KIAA0319: variants seen among roughly 807,000 people sequenced by gnomAD.
KIAA0319 encodes the protein dyslexia-associated protein KIAA0319.
In KIAA0319, 83 loss-of-function variants were observed where a neutral mutation model predicts 108.4. The observed-to-expected ratio is 0.77, with a 90% CI of 0.64 to 0.92. KIAA0319 has a LOEUF of 0.92. Ranked by LOEUF, KIAA0319 falls within the 40% of genes least tolerant of loss-of-function variation. The pLI is 0.00. For missense variants in KIAA0319, 1,195 were observed against 1,322.4 expected (o/e 0.90, Z 1.49); for synonymous variants, 484 against 510.4 (o/e 0.95, Z 0.70).
At chr6:24,564,885 T>C (rs1217477746) in intron 14 of KIAA0319, among the ~76,000 whole-genome samples, 6 of 152,210 alleles carry the variant, frequency 3.9e-5, no homozygotes, top group Admixed American at 6.5e-5. Flanking sequence ...CAGAGACTCA[T>C]TGTTATTACA....
intron 1 of KIAA0319, among the ~76,000 whole-genome samples, chr6:24,624,767 A>G (rs1774472816): frequency 6.6e-6 from 1 of 152,180 alleles, no homozygotes; most frequent in South Asian, 2.1e-4. Context: ...AATGAAATGC[A>G]TTCAAGTGAG....
chr6:24,641,320 T>C (rs1319689534), intron 1 of KIAA0319, among the ~76,000 whole-genome samples: 1 of 152,230 alleles, frequency 6.6e-6, no homozygotes, highest in African/African-American at 2.4e-5. Flanking sequence ...GGACATAACA[T>C]TTAAAATTTA....
Position 24,545,559 on chromosome 6 carries a change from C to CTATA in KIAA0319, c.*1602_*1605dup, listed in dbSNP as rs1760525677. ...AAAAAATCACATTTTCCTTCTAACACTATAGACAGTATTGAATTGGCTAGT... is the reference window on the plus strand; with the variant it reads ...AAAAAATCACATTTTCCTTCTAACACTATATATAGACAGTATTGAATTGGCTAGT... On this transcript the variant is annotated 3_prime_UTR_variant, in exon 21 of 21. Transcript: ENST00000378214. 2 of 152,106 alleles carry CTATA rather than the reference C, an allele frequency of 1.3e-5. No homozygotes were observed. Among genetic ancestry groups the CTATA allele is most frequent in the Admixed American group, 6.5e-5 (1 of 15,276 alleles). The allele number at this position is 152,106 out of a possible 1,614,324, so 9.4% of individuals were successfully genotyped here. A position where few individuals can be genotyped will look rare whatever the true frequency, so the allele number is the denominator to read the frequency against.
intron 10 of KIAA0319, among the ~76,000 whole-genome samples, chr6:24,574,564 G>A (rs566925709): frequency 2.2e-4 from 34 of 152,080 alleles, no homozygotes; most frequent in African/African-American, 7.2e-4. Context: ...CTTTTTTGTC[G>A]TTGGTAATAA....
intron 1 of KIAA0319, among the ~76,000 whole-genome samples, chr6:24,602,907 G>A (rs1023961881): frequency 6.6e-6 from 1 of 152,228 alleles, no homozygotes; most frequent in Non-Finnish European, 1.5e-5. Flanking sequence ...TAACTGCATT[G>A]ACAAGTTATT....
Position 24,545,848 on chromosome 6 carries a change from T to TA in KIAA0319, c.*1316dup, listed in dbSNP as rs1163504403. ...ATGCATTCCTAGTTTTCCCATGTGTTAAAAAAGCATTGTGCAACAGGATAT... is the reference window on the plus strand; with the variant it reads ...ATGCATTCCTAGTTTTCCCATGTGTTAAAAAAAGCATTGTGCAACAGGATAT... On this transcript the variant is annotated 3_prime_UTR_variant, in exon 21 of 21. Coordinates refer to ENST00000378214, the MANE Select transcript of KIAA0319 (RefSeq NM_014809.4). 1 of 152,178 alleles carries TA rather than the reference T, an allele frequency of 6.6e-6. No homozygotes were observed. The allele number at this position is 152,178 out of a possible 1,614,324, so 9.4% of individuals were successfully genotyped here. A position where few individuals can be genotyped will look rare whatever the true frequency, so the allele number is the denominator to read the frequency against.
intron 1 of KIAA0319, among the ~76,000 whole-genome samples, chr6:24,621,226 G>T (rs1773885389): frequency 6.6e-6 from 1 of 152,194 alleles, no homozygotes; most frequent in Non-Finnish European, 1.5e-5. Context: ...GGTATTTCAG[G>T]TACCTTTGAC....
At chr6:24,543,417 T>C (rs1354092291), downstream of KIAA0319, among the ~76,000 whole-genome samples, 1 of 152,218 alleles carries the variant, frequency 6.6e-6, no homozygotes, top group African/African-American at 2.4e-5. Context: ...TGTAAGTGAA[T>C]TATACCTCAA....
intron 14 of KIAA0319, among the ~76,000 whole-genome samples, chr6:24,564,725 A>G (rs1763654957): frequency 6.6e-6 from 1 of 152,220 alleles, no homozygotes; most frequent in African/African-American, 2.4e-5. Flanking sequence ...CTCATCTTGA[A>G]TTCCCTCATA....
At chr6:24,568,449 CAT>C (rs1561951976) in intron 13 of KIAA0319, among the ~76,000 whole-genome samples, 1 of 152,184 alleles carries the variant, frequency 6.6e-6, no homozygotes, top group Non-Finnish European at 1.5e-5. Flanking sequence ...AATTTGAAAA[CAT>C]CTCTTTTCTT....
intron 1 of KIAA0319, among the ~76,000 whole-genome samples, chr6:24,603,517 C>T (rs1044760585): frequency 2.0e-5 from 3 of 152,216 alleles, no homozygotes; most frequent in Non-Finnish European, 4.4e-5. Context: ...ACACCAGTCT[C>T]TTCCACCCAC....
chr6:24,562,086 T>C (rs1284163261), intron 16 of KIAA0319, among the ~76,000 whole-genome samples: 26 of 152,238 alleles, frequency 1.7e-4, no homozygotes, highest in Admixed American at 1.7e-3. Context: ...TCTGCCTGCC[T>C]TGGCCTCCCA....
intron 3 of KIAA0319, among the ~76,000 whole-genome samples, chr6:24,594,097 T>C (rs1442188664): frequency 2.7e-5 from 4 of 145,824 alleles, no homozygotes; most frequent in African/African-American, 1.0e-4. Context: ...TACTCAGGAG[T>C]CTGAGGCAGG....
chr6:24,615,462 AAAAC>A (rs1275223554), intron 1 of KIAA0319, among the ~76,000 whole-genome samples: 11 of 152,312 alleles, frequency 7.2e-5, no homozygotes, highest in African/African-American at 2.4e-4. Context: ...AGAAGAATAT[AAAAC>A]AAACTAAGAG....
intron 1 of KIAA0319, among the ~76,000 whole-genome samples, chr6:24,629,514 C>CAAAA (rs397974257): frequency 1.7e-4 from 7 of 42,388 alleles, no homozygotes; most frequent in East Asian, 1.2e-3. Context: ...GACTCTGTCT[C>CAAAA]AAAAAAAAAA....
chr6:24,600,919 C>A (rs1582163159), intron 2 of KIAA0319, 130 bp downstream of exon 2: 2 of 1,247,214 alleles, frequency 1.6e-6, no homozygotes, highest in South Asian at 1.3e-5. Flanking sequence ...GCCTTTCATG[C>A]TTTCACCTGT....
At chr6:24,606,822 GTCC>G (rs891084727) in intron 1 of KIAA0319, among the ~76,000 whole-genome samples, 5 of 152,116 alleles carry the variant, frequency 3.3e-5, no homozygotes, top group African/African-American at 4.8e-5. Context: ...AGCTCTTTTT[GTCC>G]TCCTCATCTT....
intron 1 of KIAA0319, among the ~76,000 whole-genome samples, chr6:24,608,218 A>G (rs1019371337): frequency 6.6e-6 from 1 of 152,108 alleles, no homozygotes; most frequent in African/African-American, 2.4e-5. Flanking sequence ...AAAAATAAAT[A>G]AATAAATAAA....
intron 1 of KIAA0319, among the ~76,000 whole-genome samples, chr6:24,640,591 C>G (rs970622467): frequency 1.3e-5 from 2 of 151,970 alleles, no homozygotes; most frequent in East Asian, 3.9e-4. Flanking sequence ...GGGGGCATAT[C>G]GAAGATATTT....
Sources: gnomAD v4.1 joint callset for allele counts (sites outside exome capture counted in the v4.1 genomes callset) on GRCh38, gnomAD v4.1.1 for gene constraint, MANE v1.5 for transcripts, NCBI Gene and HGNC (gene_info 2026-07-23, HGNC 2026-07-21) for gene names.